Variants in GABRR2 observed in about 807,000 individuals in gnomAD.
The protein encoded by GABRR2 is gamma-aminobutyric acid type A receptor subunit rho2.
A neutral mutation model predicts 47.0 loss-of-function variants in GABRR2; 36 were observed. The ratio of observed to expected loss-of-function variants is 0.77; its 90% CI spans 0.59 to 1.01. The LOEUF (loss-of-function observed/expected upper bound fraction) is 1.01. GABRR2 is among the 50% of genes least tolerant of loss of function. The pLI is 0.00. For missense variants in GABRR2, 587 were observed against 594.6 expected, an observed-to-expected ratio of 0.99 and a Z score of 0.13; for synonymous variants, 204 against 227.5, an observed-to-expected ratio of 0.90 and a Z score of 0.93.
intron 2 of GABRR2, among the ~76,000 whole-genome samples, chr6:89,298,005 A>G (rs1774586644): frequency 6.6e-6 from 1 of 152,204 alleles, no homozygotes; most frequent in African/African-American, 2.4e-5. Context: ...GAGCAGATGT[A>G]GCTATTTTAA....
chr6:89,264,472 A>G lies in GABRR2; in HGVS notation c.1026T>C (p.Tyr342=), dbSNP rs568267412. The stretch of plus-strand genomic sequence containing the variant: ...CGGTGGTCAGGTAGTTGACAGCCGC[A>G]TACTCCAGCACCGAGAGGAACACGA... ...FVFVFLSVLE[Y]AAVNYLTTVQ... The change falls in exon 8 of 9, where the codon TAT becomes TAC. Residue 342 remains tyrosine (Y), a synonymous_variant. Transcript: ENST00000402938. 1.2e-5 allele frequency: 20 copies of G among 1,613,896 alleles called. No individual in the cohort carries two copies. The African/African-American group carries it at 1.9e-4, about 15-fold the overall frequency.
chr6:89,291,271 G>A (rs1056252433), intron 2 of GABRR2, among the ~76,000 whole-genome samples: 19 of 151,952 alleles, frequency 1.3e-4, no homozygotes, highest in Middle Eastern at 3.2e-3. Flanking sequence ...GGCCCAGCCC[G>A]TGCCCTGCAT....
Position 89,255,646 on chromosome 6 carries a change from G to A in GABRR2, c.*2024C>T, listed in dbSNP as rs1034071875. Among the ~76,000 whole-genome samples the A allele has an allele frequency of 1.6e-4, 25 of 152,176 alleles. No individual in the cohort carries two copies. Among genetic ancestry groups the A allele is most frequent in the Admixed American group, 3.9e-4 (6 of 15,288 alleles). On this transcript the variant is annotated 3_prime_UTR_variant, in exon 9 of 9. Transcript: ENST00000402938. ...CCTAGTGTTGTGGAAAAAGCTAGTC[G>A]CTCACCTCCTCTTATCACAGCCTAG... is the stretch of plus-strand genomic sequence containing the variant.
At chr6:89,308,342 G>A (rs775060972) in intron 1 of GABRR2, among the ~76,000 whole-genome samples, 6 of 152,088 alleles carry the variant, frequency 3.9e-5, no homozygotes, top group Admixed American at 6.5e-5. Flanking sequence ...ATTAATGAAA[G>A]CTAAATAAAT....
intron 2 of GABRR2, among the ~76,000 whole-genome samples, chr6:89,294,430 G>A (rs1246611229): frequency 2.0e-5 from 3 of 152,148 alleles, no homozygotes; most frequent in African/African-American, 7.2e-5. Flanking sequence ...ACAGGCATGA[G>A]CCACCACACC....
chr6:89,288,840 G>A (rs1774386755), intron 2 of GABRR2, among the ~76,000 whole-genome samples: 1 of 151,986 alleles, frequency 6.6e-6, no homozygotes, highest in East Asian at 1.9e-4. Context: ...TAAAGACCAG[G>A]TCTCACTGTG....
chr6:89,298,476 A>G (rs1278049122), intron 2 of GABRR2, among the ~76,000 whole-genome samples: 2 of 152,138 alleles, frequency 1.3e-5, no homozygotes, highest in Non-Finnish European at 2.9e-5. Flanking sequence ...AGGATTGGTG[A>G]CCTGCCTGGA....
intron 1 of GABRR2, chr6:89,302,246 G>A (rs1216195381): frequency 1.7e-6 from 1 of 571,966 alleles, no homozygotes; most frequent in Non-Finnish European, 3.5e-6. Context: ...CAAGATGCAT[G>A]AGGAGTATCC....
At chr6:89,267,189 G>A (rs894800781) in intron 6 of GABRR2, among the ~76,000 whole-genome samples, 1 of 151,930 alleles carries the variant, frequency 6.6e-6, no homozygotes, top group African/African-American at 2.4e-5. Flanking sequence ...TAGTAGAGAT[G>A]GGGTTTTGCC....
chr6:89,298,256 C>T (rs1774590908), intron 2 of GABRR2, among the ~76,000 whole-genome samples: 1 of 152,118 alleles, frequency 6.6e-6, no homozygotes, highest in South Asian at 2.1e-4. Context: ...GCTTTGAGGC[C>T]TTTTAAAATG....
rs113852139 is a variant in GABRR2 at position 89,304,042 on chromosome 6, G to A, written c.114-4177C>T. The stretch of plus-strand genomic sequence containing the variant: ...GGCAATACCATTCCAGACACAGGAA[G>A]TGGGAAAGATTTCATGATGGAGACA... On this transcript the variant is annotated intron_variant, in intron 1 of 8. Transcript: ENST00000402938. Among the ~76,000 whole-genome samples, 230 of 152,280 alleles carry A rather than the reference G, an allele frequency of 1.5e-3. 1 individual carries two copies. Among genetic ancestry groups the A allele is most frequent in the African/African-American group, 5.3e-3 (219 of 41,550 alleles).
intron 2 of GABRR2, among the ~76,000 whole-genome samples, chr6:89,293,298 C>G (rs73503972): frequency 0.11 from 16,685 of 151,904 alleles, 2,888 homozygotes; most frequent in African/African-American, 0.37. Context: ...GAAGGGGTGA[C>G]AGAGAAATAG....
At chr6:89,269,290 C>A in intron 3 of GABRR2, 56 bp from the exon 4 acceptor site, 18 of 1,316,264 alleles carry the variant, frequency 1.4e-5, no homozygotes, top group Non-Finnish European at 1.9e-5. Flanking sequence ...TTCTTCCTTA[C>A]AATCAACCCA....
chr6:89,292,855 A>ATATACGATATATCGTATATATCT (rs1562380167), intron 2 of GABRR2, among the ~76,000 whole-genome samples: 1 of 125,888 alleles, frequency 7.9e-6, no homozygotes, highest in Non-Finnish European at 1.8e-5. Flanking sequence ...CGTATATATC[A>ATATACGATATATCGTATATATCT]TATATTATAT....
intron 1 of GABRR2, among the ~76,000 whole-genome samples, chr6:89,311,655 G>A (rs1767683725): frequency 6.6e-6 from 1 of 152,162 alleles, no homozygotes; most frequent in South Asian, 2.1e-4. Flanking sequence ...TGATGTCACC[G>A]TGTTGTGGTT....
At chr6:89,298,849 C>T (rs562315675) in intron 2 of GABRR2, among the ~76,000 whole-genome samples, 1 of 152,226 alleles carries the variant, frequency 6.6e-6, no homozygotes, top group African/African-American at 2.4e-5. Context: ...GGGTGGAGCC[C>T]TCACCAGTGG....
chr6:89,280,152 T>C (rs569124625), intron 2 of GABRR2, among the ~76,000 whole-genome samples: 3 of 147,354 alleles, frequency 2.0e-5, no homozygotes, highest in Non-Finnish European at 4.5e-5. Flanking sequence ...GAGGTTGCAG[T>C]GAGCCAAGAT....
chr6:89,304,670 CA>C (rs1767524760), intron 1 of GABRR2, among the ~76,000 whole-genome samples: 1 of 151,488 alleles, frequency 6.6e-6, no homozygotes, highest in South Asian at 2.1e-4. Context: ...TACACTCAGC[CA>C]AAAAACATAT....
At chr6:89,301,167 G>A (rs1219401571) in intron 1 of GABRR2, among the ~76,000 whole-genome samples, 4 of 142,854 alleles carry the variant, frequency 2.8e-5, no homozygotes. Flanking sequence ...TGCACAAGAG[G>A]CTTTCGATAA....
Sources: allele counts gnomAD v4.1 joint callset (sites outside exome capture counted in the v4.1 genomes callset), GRCh38; gene constraint gnomAD v4.1.1; transcripts MANE v1.5; gene names NCBI Gene and HGNC (gene_info 2026-07-23, HGNC 2026-07-21).